The following KCTD15 variants were observed in gnomAD, a reference collection of about 807,000 sequenced individuals.
KCTD15 encodes potassium channel tetramerization domain containing 15, also known as BTB/POZ domain-containing protein KCTD15.
In KCTD15, 11 loss-of-function variants were observed where a neutral mutation model predicts 27.2. The ratio of observed to expected loss-of-function variants is 0.41; its 90% CI spans 0.25 to 0.67. The LOEUF (loss-of-function observed/expected upper bound fraction) is 0.67. KCTD15 is among the 30% of genes least tolerant of loss of function. The pLI, the probability that KCTD15 is intolerant of heterozygous loss-of-function variation, is 0.35. For missense variants in KCTD15, 350 were observed against 409.3 expected (o/e 0.86, Z 1.25); for synonymous variants, 163 against 176.0 (o/e 0.93, Z 0.58).
At chr19:33,799,071 T>A (rs931520164) in intron 2 of KCTD15, among the ~76,000 whole-genome samples, 1 of 152,054 alleles carries the variant, frequency 6.6e-6, no homozygotes, top group Non-Finnish European at 1.5e-5. Context: ...AGTGACCTGG[T>A]TTTGTTTTTT....
rs768013814 is a variant in KCTD15 at position 33,797,273 on chromosome 19, TGTGTGTGTGTGCGCGC to T, written c.-127+288_-127+303del. 197 of 319,984 alleles carry T rather than the reference TGTGTGTGTGTGCGCGC, an allele frequency of 6.2e-4. 10 individuals carry two copies. The highest frequency in any genetic ancestry group is 1.5e-3 in the Admixed American group (38 of 25,074). 19.8% of individuals were successfully genotyped at this position (319,984 alleles called of 1,614,324 possible). A position where few individuals can be genotyped will look rare whatever the true frequency, so the allele number is the denominator to read the frequency against. ...GTGTGTGTGTGTGTGTGTGTGTGTG[TGTGTGTGTGTGCGCGC>T]GCGCGCGCGCGCGCTTGTGGAGGTC... On this transcript the variant is annotated intron_variant, in intron 1 of 6. Coordinates refer to ENST00000683859, the MANE Select transcript of KCTD15 (RefSeq NM_001129994.2).
At chr19:33,811,656 G>GC (rs776015295) in intron 6 of KCTD15, 104 bp downstream of exon 6, 11 of 1,501,780 alleles carry the variant, frequency 7.3e-6, no homozygotes, top group South Asian at 6.3e-5. Context: ...AAACGGTGAA[G>GC]CCCCCCGTGC....
At chr19:33,805,113 G>C (rs1376865314) in intron 4 of KCTD15, among the ~76,000 whole-genome samples, 1 of 152,104 alleles carries the variant, frequency 6.6e-6, no homozygotes, top group Non-Finnish European at 1.5e-5. Context: ...TGTAGAGATG[G>C]GGTCTTGCTG....
At chr19:33,800,387 G>C (rs1334185700) in intron 2 of KCTD15, 41 bp from the exon 3 acceptor site, 3 of 1,465,212 alleles carry the variant, frequency 2.0e-6, no homozygotes, top group African/African-American at 2.8e-5. Flanking sequence ...ACATGACTAG[G>C]AGGAATAAGC....
At position 33,812,868 on chromosome 19, in the gene KCTD15, G is replaced by A. The variant is rs763757963; in HGVS notation, c.772G>A (p.Glu258Lys). Residue 258 changes from glutamate (E) to lysine (K), a missense_variant, in exon 7 of 7, where the codon GAG becomes AAG. Glu to Lys is a moderately conservative substitution (Grantham distance 56). This residue lies in a region of KCTD15 where 219 missense variants were observed against 234.9 expected (regional missense o/e 0.93). Transcript: ENST00000683859. The part of the protein sequence containing the change: ...GGGVDSSQFS[E>K]YVLCREERRP... Reference sequence around the variant, plus strand: ...CGGTGTGGACTCCTCCCAGTTCAGCGAGTATGTGCTTTGCCGGGAGGAGCG... The same window carrying A: ...CGGTGTGGACTCCTCCCAGTTCAGCAAGTATGTGCTTTGCCGGGAGGAGCG... The A allele has an allele frequency of 1.5e-5, 23 of 1,548,832 alleles. No individual in the cohort carries two copies. The highest frequency in any genetic ancestry group is 1.9e-5 in the Non-Finnish European group (22 of 1,145,760).
chr19:33,803,343 A>AT (rs1975620351), intron 4 of KCTD15, among the ~76,000 whole-genome samples: 1 of 152,230 alleles, frequency 6.6e-6, no homozygotes, highest in Non-Finnish European at 1.5e-5. Flanking sequence ...TTATTATAAT[A>AT]TAAGCAGTTT....
At chr19:33,798,231 C>T (rs991295505) in intron 1 of KCTD15, 1 of 152,146 alleles carries the variant, frequency 6.6e-6, no homozygotes, top group Non-Finnish European at 1.5e-5. Context: ...TCGAGAGGCG[C>T]CTTCTGTTTA....
chr19:33,812,407 G>C, intron 6 of KCTD15: 1 of 1,046,544 alleles, frequency 9.6e-7, no homozygotes, highest in Non-Finnish European at 1.1e-6. Flanking sequence ...CTCCATTATT[G>C]GGGCAGGACT....
At chr19:33,806,787 G>T in intron 4 of KCTD15, 76 bp from the exon 5 acceptor site, 2 of 1,524,898 alleles carry the variant, frequency 1.3e-6, no homozygotes, top group Middle Eastern at 2.0e-4. Flanking sequence ...GCCCTCAGGA[G>T]TGGGGGCGGG....
At position 33,814,980 on chromosome 19, in the gene KCTD15, T is replaced by C. The variant is rs1976050175; in HGVS notation, c.*2032T>C. 6.6e-6 allele frequency: 1 copy of C among 152,204 alleles called. No homozygotes were observed. The highest frequency in any genetic ancestry group is 1.5e-5 in the Non-Finnish European group (1 of 68,026). The allele number at this position is 152,204 out of a possible 1,614,324, so 9.4% of individuals were successfully genotyped here. A position where few individuals can be genotyped will look rare whatever the true frequency, so the allele number is the denominator to read the frequency against. On this transcript the variant is annotated 3_prime_UTR_variant, in exon 7 of 7. Transcript: ENST00000683859. ...TGCTTAGCAACGAGCCTATAGTTAG[T>C]TGGCACATCTGCGTTTTGGCATCTG...
chr19:33,811,319 CAGCAGG>C lies in KCTD15; in HGVS notation c.472_477del (p.Glu158_Gln159del). 1 of 1,552,298 alleles carries C rather than the reference CAGCAGG, an allele frequency of 6.4e-7. No homozygotes were observed. Among genetic ancestry groups the C allele is most frequent in the Non-Finnish European group, 8.7e-7 (1 of 1,148,068 alleles). ...CATGGTGCGCGAGCTGGAGCGCTGG[CAGCAGG>C]AGCAGGAGCAGCGGCGCCGCAGCCG... On this transcript the variant is annotated inframe_deletion, in exon 6 of 7. Coordinates refer to ENST00000683859, the MANE Select transcript of KCTD15 (RefSeq NM_001129994.2).
chr19:33,807,161 T>C (rs763008446), intron 5 of KCTD15, among the ~76,000 whole-genome samples, 154 bp downstream of exon 5: 1 of 152,358 alleles, frequency 6.6e-6, no homozygotes, highest in South Asian at 2.1e-4. Flanking sequence ...TAAACTAATT[T>C]TGTTTTCTCA....
chr19:33,813,489 T>G lies in KCTD15; in HGVS notation c.*541T>G, dbSNP rs1188770584. The G allele has an allele frequency of 4.6e-6, 2 of 435,084 alleles. No individual in the cohort carries two copies. The highest frequency in any genetic ancestry group is 9.2e-6 in the Non-Finnish European group (2 of 217,132). 27.0% of individuals were successfully genotyped at this position (435,084 alleles called of 1,614,324 possible). On this transcript the variant is annotated 3_prime_UTR_variant, in exon 7 of 7. Coordinates refer to ENST00000683859, the MANE Select transcript of KCTD15 (RefSeq NM_001129994.2). ...ATGGCTGCAGGGTGGACCAGCTGCC[T>G]GGCATTCAGGCCCAGATGCCTGCAG... is the stretch of plus-strand genomic sequence containing the variant.
rs3046575 is a variant in KCTD15 at position 33,814,796 on chromosome 19, T to TC, written c.*1848_*1849insC. 1 of 152,278 alleles carries TC rather than the reference T, an allele frequency of 6.6e-6. No individual in the cohort carries two copies. The highest frequency in any genetic ancestry group is 6.5e-5 in the Admixed American group (1 of 15,276). 9.4% of individuals were successfully genotyped at this position (152,278 alleles called of 1,614,324 possible). Reference sequence around the variant, plus strand: ...ATTTTTTCTCAAAGCCCTTATGTTCTAACCCATGAGAACCATTTTACCTGC... The same window carrying TC: ...ATTTTTTCTCAAAGCCCTTATGTTCTCAACCCATGAGAACCATTTTACCTGC... On this transcript the variant is annotated 3_prime_UTR_variant, in exon 7 of 7. Coordinates refer to ENST00000683859, the MANE Select transcript of KCTD15 (RefSeq NM_001129994.2).
chr19:33,801,071 T>C (rs925069489), intron 3 of KCTD15, 96 bp from the exon 4 acceptor site: 18 of 1,185,152 alleles, frequency 1.5e-5, no homozygotes, highest in Non-Finnish European at 1.9e-5. Context: ...AGATCTGTGA[T>C]CACACTCTCA....
intron 6 of KCTD15, chr19:33,812,201 C>A: frequency 9.1e-7 from 1 of 1,099,896 alleles, no homozygotes; most frequent in Non-Finnish European, 1.1e-6. Context: ...TACACGCAGT[C>A]ATCAGACCTC....
intron 5 of KCTD15, 34 bp downstream of exon 5, chr19:33,807,041 C>G (rs1026415220): frequency 1.9e-6 from 3 of 1,607,474 alleles, no homozygotes; most frequent in Admixed American, 1.7e-5. Context: ...CCTGCACTGC[C>G]TGTGTGATGG....
chr19:33,811,624 C>G, intron 6 of KCTD15, 72 bp downstream of exon 6: 1 of 1,546,464 alleles, frequency 6.5e-7, no homozygotes, highest in Non-Finnish European at 8.7e-7. Context: ...GCAGAGTGAG[C>G]TGGAGGGAGG....
chr19:33,812,984 A>C lies in KCTD15; in HGVS notation c.*36A>C. ...AGTGCCCACCTGGGCCCCCCCAGGG[A>C]CCTGGAAACAGTGCTGGGGAGTTCT... On this transcript the variant is annotated 3_prime_UTR_variant, in exon 7 of 7. Coordinates refer to ENST00000683859, the MANE Select transcript of KCTD15 (RefSeq NM_001129994.2). 1 of 1,513,784 alleles carries C rather than the reference A, an allele frequency of 6.6e-7. No individual in the cohort carries two copies. The highest frequency in any genetic ancestry group is 8.9e-7 in the Non-Finnish European group (1 of 1,127,768). The allele number at this position is 1,513,784 out of a possible 1,614,324, so 93.8% of individuals were successfully genotyped here.
Sources: gnomAD v4.1 joint callset for allele counts (sites outside exome capture counted in the v4.1 genomes callset) on GRCh38, gnomAD v4.1.1 for gene constraint, gnomAD v4.1.1 regional missense constraint, MANE v1.5 for transcripts, NCBI Gene and HGNC (gene_info 2026-07-23, HGNC 2026-07-21) for gene names.